The following TMEM132E variants were observed in gnomAD, a reference collection of about 807,000 sequenced individuals.
The protein encoded by TMEM132E is transmembrane protein 132E.
TMEM132E carries 49 observed loss-of-function variants against 78.5 expected under a neutral mutation model. The ratio of observed to expected loss-of-function variants is 0.62; its 90% CI spans 0.50 to 0.79. The LOEUF is 0.79. TMEM132E is among the 30% of genes least tolerant of loss of function. TMEM132E has a pLI of 0.00. For missense variants in TMEM132E, 1,403 were observed against 1,470.9 expected (o/e 0.95, Z 0.75); for synonymous variants, 715 against 670.6 (o/e 1.07, Z -1.02).
chr17:34,616,485 T>G (rs1469077174), intron 1 of TMEM132E, among the ~76,000 whole-genome samples: 1 of 152,198 alleles, frequency 6.6e-6, no homozygotes, highest in African/African-American at 2.4e-5. Flanking sequence ...ATTCCCCGGC[T>G]ACATGTCCTT....
chr17:34,587,921 T>A, intron 1 of TMEM132E, among the ~76,000 whole-genome samples: 1 of 152,216 alleles, frequency 6.6e-6, no homozygotes, highest in East Asian at 1.9e-4. Context: ...TTTGAAGTCA[T>A]GACCCTGCCT....
At chr17:34,621,066 G>A (rs1430570166) in intron 1 of TMEM132E, among the ~76,000 whole-genome samples, 1 of 152,174 alleles carries the variant, frequency 6.6e-6, no homozygotes, top group Non-Finnish European at 1.5e-5. Context: ...TTATCCCCAT[G>A]TGCAAAAGCT....
At chr17:34,589,600 C>T (rs1905792800) in intron 1 of TMEM132E, among the ~76,000 whole-genome samples, 2 of 152,138 alleles carry the variant, frequency 1.3e-5, no homozygotes. Context: ...GTGTGGGGGT[C>T]CTTGTGTTCA....
At chr17:34,610,428 G>A (rs1323905549) in intron 1 of TMEM132E, among the ~76,000 whole-genome samples, 2 of 152,200 alleles carry the variant, frequency 1.3e-5, no homozygotes, top group Non-Finnish European at 2.9e-5. Flanking sequence ...CTCCATCTAA[G>A]AGAAAGTAAA....
chr17:34,619,866 G>A (rs926555083), intron 1 of TMEM132E, among the ~76,000 whole-genome samples: 4 of 152,268 alleles, frequency 2.6e-5, no homozygotes, highest in African/African-American at 9.6e-5. Context: ...GACATCTGGT[G>A]TGGATGCATG....
At chr17:34,630,339 C>T (rs949837030) in intron 5 of TMEM132E, among the ~76,000 whole-genome samples, 188 bp downstream of exon 5, 2 of 152,156 alleles carry the variant, frequency 1.3e-5, no homozygotes, top group African/African-American at 4.8e-5. Context: ...ACTGGCCTTA[C>T]TTCATCCCAA....
At position 34,580,939 on chromosome 17, in the gene TMEM132E, G is replaced by A; in HGVS notation, c.-138G>A. On this transcript the variant is annotated 5_prime_UTR_variant, in exon 1 of 9. Transcript: ENST00000631683. ...CCTCCCCGCAAAGTGTCCCCGAATT[G>A]CACTCTCTGGTCCCGGAGCTGCATC... is the stretch of plus-strand genomic sequence containing the variant. 6 of 567,264 alleles carry A rather than the reference G, an allele frequency of 1.1e-5. No homozygotes were observed. Among genetic ancestry groups the A allele is most frequent in the Non-Finnish European group, 1.8e-5 (6 of 340,590 alleles). The allele number at this position is 567,264 out of a possible 1,614,324, so 35.1% of individuals were successfully genotyped here. A position where few individuals can be genotyped will look rare whatever the true frequency, so the allele number is the denominator to read the frequency against.
At chr17:34,604,522 G>A (rs930767514) in intron 1 of TMEM132E, among the ~76,000 whole-genome samples, 1 of 152,146 alleles carries the variant, frequency 6.6e-6, no homozygotes, top group Admixed American at 6.5e-5. Context: ...TGCCTTGCCT[G>A]TTCTCCTGTG....
At chr17:34,626,041 T>G in intron 1 of TMEM132E, 86 bp from the exon 2 acceptor site, 2 of 1,248,982 alleles carry the variant, frequency 1.6e-6, no homozygotes, top group East Asian at 2.6e-5. Context: ...CTCTGTGGGG[T>G]GGGAGAGACG....
intron 1 of TMEM132E, among the ~76,000 whole-genome samples, chr17:34,615,233 C>G (rs1906738391): frequency 6.6e-6 from 1 of 152,206 alleles, no homozygotes; most frequent in African/African-American, 2.4e-5. Flanking sequence ...TTCTAGTACC[C>G]TCGTCCTCCT....
At chr17:34,590,818 A>G (rs773384445) in intron 1 of TMEM132E, among the ~76,000 whole-genome samples, 2 of 152,200 alleles carry the variant, frequency 1.3e-5, no homozygotes, top group Non-Finnish European at 2.9e-5. Flanking sequence ...GAGTGACATC[A>G]TCAAAGCAGG....
intron 5 of TMEM132E, 61 bp downstream of exon 5, chr17:34,630,212 C>T (rs1277938864): frequency 6.4e-6 from 10 of 1,556,248 alleles, no homozygotes; most frequent in Non-Finnish European, 7.0e-6. Context: ...GAGAGTAGAA[C>T]CTCAAACCAG....
intron 2 of TMEM132E, 91 bp from the exon 3 acceptor site, chr17:34,628,471 TC>T: frequency 1.4e-6 from 2 of 1,427,952 alleles, no homozygotes; most frequent in Admixed American, 2.6e-5. Flanking sequence ...CTGTTCCCCC[TC>T]CCCCCAGTAC....
intron 1 of TMEM132E, among the ~76,000 whole-genome samples, chr17:34,607,877 G>A (rs1257113999): frequency 6.6e-6 from 1 of 152,068 alleles, no homozygotes; most frequent in Admixed American, 6.5e-5. Context: ...CTGAAGTTGG[G>A]GTGTACCACT....
chr17:34,628,551 A>T lies in TMEM132E; in HGVS notation c.999-12A>T. ...TGACCCTCTCCCTCTTCTTCCTCCC[A>T]CTTTGTCCCAGGGTGAAGGCCAAGA... On this transcript the variant is annotated splice_polypyrimidine_tract_variant and intron_variant, in intron 2 of 8. Coordinates refer to ENST00000631683, the MANE Select transcript of TMEM132E (RefSeq NM_001304438.2). 2 of 1,613,198 alleles carry T rather than the reference A, an allele frequency of 1.2e-6. No individual in the cohort carries two copies. Among genetic ancestry groups the T allele is most frequent in the Non-Finnish European group, 1.7e-6 (2 of 1,179,614 alleles).
In TMEM132E at chr17:34,637,464, C is replaced by A. The variant is rs748378599; in HGVS notation, c.2457C>A (p.Asp819Glu). ...TGCACTTTGGGAGGGACGAGGAGGA[C>A]CCCACTTATGACTACCCGGGCCCCA... The part of the protein sequence containing the change: ...LRVHFGRDEE[D>E]PTYDYPGPSQ... Residue 819 changes from aspartate (D) to glutamate (E), a missense_variant, in exon 9 of 9, where the codon GAC (aspartate) becomes GAA (glutamate). Physicochemically the swap from Asp to Glu is conservative, Grantham distance 45. Around this residue, in one of 3 missense-constraint regions of TMEM132E, gnomAD observed 888 missense variants for 952.8 expected, o/e 0.93. Transcript: ENST00000631683. 10 of 1,612,828 alleles carry A rather than the reference C, an allele frequency of 6.2e-6. No homozygotes were observed. In the East Asian group the frequency reaches 1.8e-4, roughly 29 times the overall value.
At chr17:34,627,135 G>GGGT in intron 2 of TMEM132E, 78 bp downstream of exon 2, 1 of 1,283,526 alleles carries the variant, frequency 7.8e-7, no homozygotes, top group East Asian at 2.5e-5. Context: ...GGTGGGTTGG[G>GGGT]GGGTGGGGGG....
At chr17:34,598,372 C>T (rs930588838) in intron 1 of TMEM132E, among the ~76,000 whole-genome samples, 1 of 152,148 alleles carries the variant, frequency 6.6e-6, no homozygotes, top group Non-Finnish European at 1.5e-5. Flanking sequence ...ATCAGAGAGT[C>T]CCATCACCTA....
chr17:34,584,943 G>A (rs765234463), intron 1 of TMEM132E, among the ~76,000 whole-genome samples: 6 of 152,142 alleles, frequency 3.9e-5, no homozygotes, highest in Non-Finnish European at 8.8e-5. Flanking sequence ...TTCTCCTGCG[G>A]GTTGTGTCCA....
Sources: gnomAD v4.1 joint callset for allele counts (sites outside exome capture counted in the v4.1 genomes callset) on GRCh38, gnomAD v4.1.1 for gene constraint, gnomAD v4.1.1 regional missense constraint, MANE v1.5 for transcripts, NCBI Gene and HGNC (gene_info 2026-07-23, HGNC 2026-07-21) for gene names.